ANK3: variants seen among roughly 807,000 people sequenced by gnomAD.
ANK3 encodes ankyrin 3.
In ANK3, 57 loss-of-function variants were observed where a neutral mutation model predicts 370.9. The observed-to-expected ratio is 0.15, with a 90% CI of 0.12 to 0.19. ANK3 has a LOEUF of 0.19. Among genes scored for constraint, ANK3 ranks in the 10% least tolerant of loss-of-function variants. The pLI is 1.00. For missense variants in ANK3, 4,439 were observed against 5,302.1 expected, an observed-to-expected ratio of 0.84 and a Z score of 5.06; for synonymous variants, 1,929 against 1,946.3, an observed-to-expected ratio of 0.99 and a Z score of 0.23.
chr10:60,114,409 T>TGTAGA, intron 25 of ANK3, 78 bp from the exon 26 acceptor site: 1 of 650,638 alleles, frequency 1.5e-6, no homozygotes, highest in Non-Finnish European at 2.5e-6. Flanking sequence ...AAAATATATT[T>TGTAGA]GTATTCCTCT....
intron 2 of ANK3, among the ~76,000 whole-genome samples, chr10:60,474,275 C>T (rs2074997625): frequency 6.6e-6 from 1 of 151,284 alleles, no homozygotes; most frequent in South Asian, 2.1e-4. Context: ...AGGAATACTA[C>T]TTACAGAGAA....
intron 2 of ANK3, among the ~76,000 whole-genome samples, chr10:60,544,077 T>G (rs10821793): frequency 0.096 from 14,552 of 152,170 alleles, 712 homozygotes; most frequent in East Asian, 0.16. Flanking sequence ...CTCAGTAGGA[T>G]CTAGACACTG....
At chr10:60,725,494 T>A (rs1564625795) in intron 1 of ANK3, among the ~76,000 whole-genome samples, 1 of 152,208 alleles carries the variant, frequency 6.6e-6, no homozygotes. Context: ...AGCCCCCATC[T>A]GTGCTTCCAC....
At chr10:60,619,878 CA>C (rs1024243316) in intron 1 of ANK3, among the ~76,000 whole-genome samples, 37 of 152,242 alleles carry the variant, frequency 2.4e-4, no homozygotes, top group African/African-American at 8.9e-4. Flanking sequence ...CAGAAGCAAT[CA>C]TGGTTCGTTT....
intron 43 of ANK3, among the ~76,000 whole-genome samples, chr10:60,038,233 C>T (rs1388668878): frequency 1.3e-5 from 2 of 152,124 alleles, no homozygotes; most frequent in Non-Finnish European, 2.9e-5. Flanking sequence ...CCCGTCTCTA[C>T]TAAAAATACA....
At chr10:60,100,966 TTAGAGA>T (rs2091175706) in intron 28 of ANK3, among the ~76,000 whole-genome samples, 1 of 152,202 alleles carries the variant, frequency 6.6e-6, no homozygotes. Flanking sequence ...TATTTGTTTT[TTAGAGA>T]TGGAGTCTAT....
chr10:60,490,284 G>C (rs1469516796), intron 2 of ANK3, among the ~76,000 whole-genome samples: 1 of 152,134 alleles, frequency 6.6e-6, no homozygotes, highest in African/African-American at 2.4e-5. Context: ...CATTCTCAGG[G>C]TCTTTCCCAG....
At chr10:60,484,252 G>T (rs1463973088) in intron 2 of ANK3, among the ~76,000 whole-genome samples, 2 of 152,110 alleles carry the variant, frequency 1.3e-5, no homozygotes, top group Non-Finnish European at 2.9e-5. Context: ...CTTAGATGAC[G>T]GTTGTGTCAA....
At chr10:60,693,772 A>G (rs2079396629) in intron 1 of ANK3, among the ~76,000 whole-genome samples, 1 of 152,196 alleles carries the variant, frequency 6.6e-6, no homozygotes, top group African/African-American at 2.4e-5. Context: ...TCAAAGACCA[A>G]AAGTAGATAA....
chr10:60,308,385 C>T (rs766034112), intron 1 of ANK3, among the ~76,000 whole-genome samples: 5 of 150,584 alleles, frequency 3.3e-5, no homozygotes, highest in Admixed American at 6.6e-5. Flanking sequence ...CTGCAACCTC[C>T]GCCTTTCAGC....
rs139161555 is a variant in ANK3 at position 60,445,064 on chromosome 10, C to T, written c.97-165425G>A. Reference sequence around the variant, plus strand: ...CGATTTTGGAGTAATTCTGAAGGCACAAAAATTAATGCAATATTCTAGATT... The same window carrying T: ...CGATTTTGGAGTAATTCTGAAGGCATAAAAATTAATGCAATATTCTAGATT... On this transcript the variant is annotated intron_variant, in intron 2 of 43. Transcript: ENST00000373827. Among the ~76,000 whole-genome samples the T allele has an allele frequency of 8.4e-3, 1,271 of 152,102 alleles. 5 individuals carry two copies. The highest frequency in any genetic ancestry group is 0.015 in the Non-Finnish European group (996 of 67,998).
At chr10:60,583,058 A>G (rs2077777313) in intron 2 of ANK3, among the ~76,000 whole-genome samples, 1 of 152,220 alleles carries the variant, frequency 6.6e-6, no homozygotes, top group Admixed American at 6.5e-5. Context: ...GATATCTGCA[A>G]TCCTAGCTCA....
intron 2 of ANK3, among the ~76,000 whole-genome samples, chr10:60,585,181 T>C (rs12414575): frequency 0.2 from 31,053 of 152,078 alleles, 3,607 homozygotes; most frequent in East Asian, 0.38. Flanking sequence ...AGCAAGGAAA[T>C]TGATGCTGCA....
At chr10:60,711,948 C>A (rs543946185) in intron 1 of ANK3, among the ~76,000 whole-genome samples, 1 of 152,158 alleles carries the variant, frequency 6.6e-6, no homozygotes, top group Admixed American at 6.5e-5. Context: ...AAAGAATAAA[C>A]CCTCAACCTA....
At chr10:60,054,199 T>G (rs994879568) in intron 42 of ANK3, among the ~76,000 whole-genome samples, 2 of 152,186 alleles carry the variant, frequency 1.3e-5, no homozygotes, top group Non-Finnish European at 2.9e-5. Flanking sequence ...AGAATAAATA[T>G]TCACAGGAAA....
intron 2 of ANK3, among the ~76,000 whole-genome samples, chr10:60,523,557 C>A (rs1229333988): frequency 6.6e-6 from 1 of 151,900 alleles, no homozygotes; most frequent in Non-Finnish European, 1.5e-5. Context: ...CATGTCCCTA[C>A]AAAGGACATG....
chr10:60,310,136 G>T (rs2393624), intron 1 of ANK3, among the ~76,000 whole-genome samples: 88,123 of 151,584 alleles, frequency 0.58, 26,190 homozygotes, highest in South Asian at 0.78. Context: ...TGTTGCCCAG[G>T]TTGGTCTCAA....
At chr10:60,327,784 T>TA (rs934315338) in intron 1 of ANK3, among the ~76,000 whole-genome samples, 4 of 152,176 alleles carry the variant, frequency 2.6e-5, no homozygotes, top group African/African-American at 7.2e-5. Flanking sequence ...AGGTCAGATT[T>TA]AAAAAATGCC....
At chr10:60,544,642 T>G (rs575902733) in intron 2 of ANK3, among the ~76,000 whole-genome samples, 1 of 152,108 alleles carries the variant, frequency 6.6e-6, no homozygotes, top group African/African-American at 2.4e-5. Flanking sequence ...AGTGACAGAT[T>G]TAGATTTTAA....
Sources: gnomAD v4.1 joint callset for allele counts (sites outside exome capture counted in the v4.1 genomes callset) on GRCh38, gnomAD v4.1.1 for gene constraint, MANE v1.5 for transcripts, NCBI Gene and HGNC (gene_info 2026-07-23, HGNC 2026-07-21) for gene names.